ERBB4: variants seen among roughly 807,000 people sequenced by gnomAD.
ERBB4 encodes erb-b2 receptor tyrosine kinase 4.
In ERBB4, 42 loss-of-function variants were observed where a neutral mutation model predicts 158.0. The observed-to-expected ratio is 0.27, with a 90% CI of 0.21 to 0.34. The LOEUF (loss-of-function observed/expected upper bound fraction) is 0.34, where lower values mean the gene tolerates loss of function less well. Among genes scored for constraint, ERBB4 ranks in the 10% least tolerant of loss-of-function variants. The pLI is 1.00. For missense variants in ERBB4, 1,333 were observed against 1,624.1 expected (o/e 0.82, Z 3.08); for synonymous variants, 583 against 558.7 (o/e 1.04, Z -0.61).
rs199775547 is a variant in ERBB4, at chr2:211,990,523, AAAATAAAT to A, written c.235-42915_235-42908del. Among the ~76,000 whole-genome samples the A allele has an allele frequency of 8.9e-3, 1,201 of 134,440 alleles. 7 individuals are homozygous for A. Among genetic ancestry groups the A allele is most frequent in the Non-Finnish European group, 0.014 (779 of 57,520 alleles). The allele number at this position is 134,440 out of a possible 152,430, so 88.2% of individuals were successfully genotyped here. The stretch of plus-strand genomic sequence containing the variant: ...GAAGGAAATAACCAAAATAAAAATA[AAAATAAAT>A]AAATAAATAAATAAATAAATAAATA... On this transcript the variant is annotated intron_variant, in intron 2 of 27. Transcript: ENST00000342788.
chr2:211,568,137 A>G (rs1395417410), intron 19 of ERBB4, among the ~76,000 whole-genome samples: 2 of 149,782 alleles, frequency 1.3e-5, no homozygotes, highest in Non-Finnish European at 2.9e-5. Flanking sequence ...TTTGCTTTAC[A>G]ATTTTTTTTT....
At chr2:212,412,916 C>A (rs570458965) in intron 1 of ERBB4, among the ~76,000 whole-genome samples, 1 of 152,142 alleles carries the variant, frequency 6.6e-6, no homozygotes, top group East Asian at 1.9e-4. Flanking sequence ...CAGAATAATT[C>A]CCTCTGTATT....
At chr2:212,474,256 G>A (rs1388793911) in intron 1 of ERBB4, among the ~76,000 whole-genome samples, 1 of 151,260 alleles carries the variant, frequency 6.6e-6, no homozygotes, top group African/African-American at 2.4e-5. Context: ...ATGGTACTTT[G>A]CAAATAGGGG....
intron 1 of ERBB4, among the ~76,000 whole-genome samples, chr2:212,272,962 C>G (rs996606186): frequency 5.9e-5 from 9 of 151,526 alleles, no homozygotes; most frequent in Non-Finnish European, 1.0e-4. Context: ...AAAACCACTA[C>G]ATTTTACTTA....
chr2:211,844,881 T>C (rs1245508184), intron 3 of ERBB4, among the ~76,000 whole-genome samples: 1 of 152,094 alleles, frequency 6.6e-6, no homozygotes, highest in Non-Finnish European at 1.5e-5. Flanking sequence ...CCACACATCT[T>C]TTATAGACTA....
rs552570688 is a variant in ERBB4, at chr2:211,526,138, G to T, written c.2487+35765C>A. Reference sequence around the variant, plus strand: ...AAGGTAATAGTTTCAGTGGGACTTGGGTGAGACTCAGGGCTATGCTGGTCT... The same window carrying T: ...AAGGTAATAGTTTCAGTGGGACTTGTGTGAGACTCAGGGCTATGCTGGTCT... On this transcript the variant is annotated intron_variant, in intron 20 of 27. Transcript: ENST00000342788. Among the ~76,000 whole-genome samples the T allele has an allele frequency of 2.7e-4, 41 of 152,168 alleles. 1 individual carries two copies. The South Asian group carries it at 7.5e-3, about 28-fold the overall frequency.
chr2:211,879,417 C>G (rs1392497934), intron 3 of ERBB4, among the ~76,000 whole-genome samples: 1 of 152,080 alleles, frequency 6.6e-6, no homozygotes, highest in Non-Finnish European at 1.5e-5. Flanking sequence ...GATGTTTAAC[C>G]TCATTGATAA....
intron 1 of ERBB4, among the ~76,000 whole-genome samples, chr2:212,461,501 A>C (rs543258518): frequency 6.6e-6 from 1 of 152,146 alleles, no homozygotes; most frequent in African/African-American, 2.4e-5. Flanking sequence ...GTATATACCC[A>C]ATGTTTGTAC....
chr2:211,678,966 CAAAAAAAAAA>C (rs71054127), intron 13 of ERBB4, 76 bp downstream of exon 13: 120 of 508,672 alleles, frequency 2.4e-4, no homozygotes, highest in East Asian at 3.1e-4. Context: ...GACTCCGTCT[CAAAAAAAAAA>C]AAAAAAAAAA....
intron 25 of ERBB4, among the ~76,000 whole-genome samples, chr2:211,415,934 G>A (rs1303806875): frequency 1.3e-5 from 2 of 152,178 alleles, no homozygotes; most frequent in Non-Finnish European, 1.5e-5. Flanking sequence ...AGATAGAAAA[G>A]AAGGGAAAAA....
At chr2:211,927,421 C>T (rs981210767) in intron 3 of ERBB4, among the ~76,000 whole-genome samples, 25 of 152,066 alleles carry the variant, frequency 1.6e-4, no homozygotes, top group African/African-American at 5.1e-4. Context: ...AAGAATTCAA[C>T]GTTACAGTTT....
intron 3 of ERBB4, among the ~76,000 whole-genome samples, chr2:211,911,390 A>T (rs1307819819): frequency 6.6e-6 from 1 of 152,022 alleles, no homozygotes; most frequent in Non-Finnish European, 1.5e-5. Context: ...CTCATCTTCT[A>T]GAGTAGCTGA....
At chr2:211,437,790 G>A (rs1365534575) in intron 20 of ERBB4, among the ~76,000 whole-genome samples, 6 of 151,964 alleles carry the variant, frequency 3.9e-5, no homozygotes, top group South Asian at 2.1e-4. Flanking sequence ...TGAAGCTTTC[G>A]TAATAACAGG....
intron 2 of ERBB4, among the ~76,000 whole-genome samples, chr2:212,018,142 A>G (rs73988941): frequency 0.2 from 30,242 of 152,092 alleles, 3,413 homozygotes; most frequent in African/African-American, 0.29. Flanking sequence ...AGGAAGAATA[A>G]CAAATCCTAC....
intron 1 of ERBB4, among the ~76,000 whole-genome samples, chr2:212,328,227 C>T (rs1285052197): frequency 3.3e-5 from 5 of 151,944 alleles, no homozygotes; most frequent in Non-Finnish European, 7.4e-5. Context: ...GGAGCATGTA[C>T]CTGAGGCCTT....
intron 18 of ERBB4, 114 bp downstream of exon 18, chr2:211,623,808 C>A: frequency 9.8e-7 from 1 of 1,023,388 alleles, no homozygotes; most frequent in Non-Finnish European, 1.4e-6. Flanking sequence ...AAAAGTCTTC[C>A]TTTCTGAATA....
intron 19 of ERBB4, among the ~76,000 whole-genome samples, chr2:211,609,786 C>T (rs1014966748): frequency 6.6e-6 from 1 of 152,104 alleles, no homozygotes; most frequent in Admixed American, 6.5e-5. Flanking sequence ...TTTAGGAAAC[C>T]AAGGGCCTTG....
intron 1 of ERBB4, among the ~76,000 whole-genome samples, chr2:212,290,181 AT>A (rs1365984716): frequency 1.3e-5 from 2 of 152,066 alleles, no homozygotes; most frequent in African/African-American, 2.4e-5. Flanking sequence ...GTAGTTTTAT[AT>A]TTTTTAAAGG....
chr2:212,034,002 AC>A (rs2076959827), intron 2 of ERBB4, among the ~76,000 whole-genome samples: 1 of 151,870 alleles, frequency 6.6e-6, no homozygotes, highest in African/African-American at 2.4e-5. Context: ...AGAAAACACA[AC>A]CCTTTAAACA....
Sources: allele counts gnomAD v4.1 joint callset (sites outside exome capture counted in the v4.1 genomes callset), GRCh38; gene constraint gnomAD v4.1.1; transcripts MANE v1.5; gene names NCBI Gene and HGNC (gene_info 2026-07-23, HGNC 2026-07-21).